CTBP2: variants seen among roughly 807,000 people sequenced by gnomAD.
The protein encoded by CTBP2 is C-terminal-binding protein 2.
Under a neutral mutation model 80.3 loss-of-function variants are expected in CTBP2, and 30 were observed. The ratio of observed to expected loss-of-function variants is 0.37; its 90% CI spans 0.28 to 0.51. CTBP2 has a LOEUF of 0.51. CTBP2 is among the 20% of genes least tolerant of loss of function. The pLI, the probability that CTBP2 is intolerant of heterozygous loss-of-function variation, is 0.93. For synonymous variants in CTBP2, 594 were observed against 587.4 expected, an observed-to-expected ratio of 1.01 and a Z score of -0.16; for missense variants, 1,212 against 1,375.3, an observed-to-expected ratio of 0.88 and a Z score of 1.88.
chr10:125,023,071 G>T (rs372605160), intron 1 of CTBP2, among the ~76,000 whole-genome samples: 262 of 152,288 alleles, frequency 1.7e-3, no homozygotes, highest in African/African-American at 6.1e-3. Flanking sequence ...CTGGTGACAG[G>T]TAACTGTCAC....
At chr10:125,056,869 T>C (rs904564659) in intron 2 of CTBP2, among the ~76,000 whole-genome samples, 6 of 152,202 alleles carry the variant, frequency 3.9e-5, no homozygotes, top group Non-Finnish European at 8.8e-5. Context: ...CAGTGCTTGA[T>C]GAGCTGTGTG....
chr10:125,119,736 AT>A (rs1454380119), intron 1 of CTBP2, among the ~76,000 whole-genome samples: 1 of 152,222 alleles, frequency 6.6e-6, no homozygotes, highest in East Asian at 1.9e-4. Flanking sequence ...TAACATAACT[AT>A]CATTTACTTA....
rs373785012 is a variant in CTBP2, at chr10:125,105,680, T to TA, written c.-102+5309dup. ...ACTGCTTAAAACCAAGACATTTTTT[T>TA]AAAAAAAAACAAGTTATTGGTCTAA... On this transcript the variant is annotated intron_variant, in intron 2 of 10. Coordinates refer to the CTBP2 transcript ENST00000337195. Among the ~76,000 whole-genome samples the TA allele has an allele frequency of 6.0e-3, 914 of 151,748 alleles. 13 individuals are homozygous for TA. Among genetic ancestry groups the TA allele is most frequent in the African/African-American group, 0.02 (845 of 41,330 alleles).
chr10:125,140,560 C>A (rs948704487), intron 1 of CTBP2, among the ~76,000 whole-genome samples: 3 of 152,208 alleles, frequency 2.0e-5, no homozygotes, highest in African/African-American at 7.2e-5. Flanking sequence ...CAGTGGCTCA[C>A]GCCTGTAATC....
intron 1 of CTBP2, among the ~76,000 whole-genome samples, chr10:125,122,016 G>A (rs934894898): frequency 6.6e-6 from 1 of 152,144 alleles, no homozygotes; most frequent in African/African-American, 2.4e-5. Context: ...TGAACCAAGA[G>A]ACCTTCCAGT....
chr10:125,016,113 C>T (rs908109982), intron 1 of CTBP2, among the ~76,000 whole-genome samples: 1 of 152,236 alleles, frequency 6.6e-6, no homozygotes, highest in Non-Finnish European at 1.5e-5. Context: ...AGACTGGGGT[C>T]TGGGACCCTT....
At position 124,987,921 on chromosome 10, in the gene CTBP2, A is replaced by G. The variant is rs555622700; in HGVS notation, c.*1597T>C. On this transcript the variant is annotated 3_prime_UTR_variant, in exon 9 of 9. Transcript: ENST00000309035. ...AATCAAGCTCTTAACTCATGGGACT[A>G]TTTGCAACACTTCTTTGTAAATATC... 31 of 152,536 alleles carry G rather than the reference A, an allele frequency of 2.0e-4. No homozygotes were observed. Among genetic ancestry groups the G allele is most frequent in the African/African-American group, 7.5e-4 (31 of 41,582 alleles). 9.4% of individuals were successfully genotyped at this position (152,536 alleles called of 1,614,324 possible).
intron 2 of CTBP2, among the ~76,000 whole-genome samples, chr10:125,089,959 C>T (rs1216298994): frequency 2.6e-5 from 4 of 152,160 alleles, no homozygotes; most frequent in Non-Finnish European, 4.4e-5. Context: ...CTGCACCCTT[C>T]GTGTTTGCTC....
chr10:125,098,708 CAGAGAGAGAGAGAGACAGAG>C lies in CTBP2; in HGVS notation c.-102+12262_-102+12281del, dbSNP rs1850048688. ...AGAGAGAGAGAGAGAGAGAGAGAGA[CAGAGAGAGAGAGAGACAGAG>C]AGAGAGAGAGAGAGAGAGAGACAGA... On this transcript the variant is annotated intron_variant, in intron 2 of 10. Coordinates refer to the CTBP2 transcript ENST00000337195. 4.5e-3 allele frequency among the ~76,000 whole-genome samples: 298 copies of C among 65,678 alleles called. 4 individuals are homozygous for C. The highest frequency in any genetic ancestry group is 0.019 in the African/African-American group (272 of 14,284). 43.1% of individuals were successfully genotyped at this position (65,678 alleles called of 152,430 possible).
intron 1 of CTBP2, among the ~76,000 whole-genome samples, chr10:125,112,466 T>C (rs186987088): frequency 1.8e-3 from 263 of 147,714 alleles, no homozygotes; most frequent in African/African-American, 6.2e-3. Context: ...TCTCACTCTG[T>C]CACCCAGGCT....
intron 2 of CTBP2, among the ~76,000 whole-genome samples, chr10:125,063,298 C>A (rs1333890591): frequency 1.3e-5 from 2 of 152,184 alleles, no homozygotes; most frequent in Non-Finnish European, 2.9e-5. Context: ...GGAAAAACAT[C>A]ATACTTAAGA....
chr10:125,073,436 G>A (rs1171326785), intron 2 of CTBP2, among the ~76,000 whole-genome samples: 2 of 152,200 alleles, frequency 1.3e-5, no homozygotes, highest in Non-Finnish European at 2.9e-5. Flanking sequence ...TAGAGACAGG[G>A]CTTCACCATG....
upstream of CTBP2, among the ~76,000 whole-genome samples, chr10:125,161,543 C>T (rs1445581331): frequency 6.6e-6 from 1 of 151,898 alleles, no homozygotes; most frequent in African/African-American, 2.4e-5. Context: ...TTCTCAGGCC[C>T]GCGGGGTCAG....
Position 124,998,010 on chromosome 10 carries a change from C to T in CTBP2, c.2139G>A (p.Ser713=), listed in dbSNP as rs757362812. Residue 713 remains serine, a synonymous_variant, in exon 4 of 9, where the codon TCG becomes TCA. Transcript: ENST00000309035. ...TCTCCCCACGGATGCGGGCCGCTCCCGAGGCCACCTCGCGGATCTGCTCCA... is the reference window on the plus strand; with the variant it reads ...TCTCCCCACGGATGCGGGCCGCTCCTGAGGCCACCTCGCGGATCTGCTCCA... 2.7e-5 allele frequency: 44 copies of T among 1,613,064 alleles called. No individual in the cohort carries two copies. Among genetic ancestry groups the T allele is most frequent in the South Asian group, 4.4e-5 (4 of 91,074 alleles).
At chr10:125,105,243 G>T (rs1376388025) in intron 2 of CTBP2, among the ~76,000 whole-genome samples, 2 of 152,142 alleles carry the variant, frequency 1.3e-5, no homozygotes, top group Non-Finnish European at 2.9e-5. Flanking sequence ...GACCTCCCAG[G>T]CTCACACAAT....
intron 2 of CTBP2, among the ~76,000 whole-genome samples, chr10:125,108,817 G>A (rs1009788790): frequency 6.6e-6 from 1 of 152,258 alleles, no homozygotes; most frequent in African/African-American, 2.4e-5. Context: ...ATGCTCCAGT[G>A]ATGGCCAGCT....
chr10:125,110,730 C>G (rs893541979), intron 2 of CTBP2, among the ~76,000 whole-genome samples: 1 of 152,196 alleles, frequency 6.6e-6, no homozygotes, highest in Non-Finnish European at 1.5e-5. Context: ...TGACTTATCT[C>G]TATAGCAGCA....
chr10:125,161,276 C>G (rs1022079286), upstream of CTBP2: 2 of 151,872 alleles, frequency 1.3e-5, no homozygotes, highest in African/African-American at 4.8e-5. Context: ...GCCCGGGAGG[C>G]CCTCGGGAGG....
intron 2 of CTBP2, among the ~76,000 whole-genome samples, chr10:125,043,110 G>A (rs1191339696): frequency 6.6e-6 from 1 of 152,218 alleles, no homozygotes; most frequent in Non-Finnish European, 1.5e-5. Flanking sequence ...CAGAGGGGAC[G>A]GGTATGGAAG....
Sources: allele counts gnomAD v4.1 joint callset (sites outside exome capture counted in the v4.1 genomes callset), GRCh38; gene constraint gnomAD v4.1.1; transcripts MANE v1.5; gene names NCBI Gene and HGNC (gene_info 2026-07-23, HGNC 2026-07-21).